The following DDX31 variants were observed in gnomAD, a reference collection of about 807,000 sequenced individuals.
DDX31 encodes DEAD-box helicase 31, also known as ATP-dependent DNA helicase DDX31.
In DDX31, 70 loss-of-function variants were observed where a neutral mutation model predicts 91.3. The ratio of observed to expected loss-of-function variants is 0.77; its 90% CI spans 0.63 to 0.94. DDX31 has a LOEUF of 0.94. DDX31 is among the 40% of genes least tolerant of loss of function. The pLI is 0.00. For synonymous variants in DDX31, 362 were observed against 350.6 expected (o/e 1.03, Z -0.36); for missense variants, 902 against 925.0 (o/e 0.98, Z 0.32).
At chr9:132,669,802 G>A in intron 1 of DDX31, 58 bp downstream of exon 1, 2 of 1,523,590 alleles carry the variant, frequency 1.3e-6, no homozygotes, top group Middle Eastern at 1.8e-4. Flanking sequence ...TGCAGCTCGC[G>A]GCGCGCCCAC....
chr9:132,608,358 G>T (rs534621178), intron 19 of DDX31, among the ~76,000 whole-genome samples: 1 of 152,062 alleles, frequency 6.6e-6, no homozygotes, highest in South Asian at 2.1e-4. Context: ...TGGAAAAGTC[G>T]ACAGAAACCT....
intron 19 of DDX31, among the ~76,000 whole-genome samples, chr9:132,609,208 A>C (rs1405103539): frequency 6.6e-6 from 1 of 152,156 alleles, no homozygotes; most frequent in Admixed American, 6.5e-5. Flanking sequence ...GCTGTCACTC[A>C]CCACCCGGCT....
intron 19 of DDX31, among the ~76,000 whole-genome samples, chr9:132,611,292 G>A (rs988978651): frequency 2.0e-5 from 3 of 152,170 alleles, no homozygotes; most frequent in African/African-American, 2.4e-5. Context: ...TTTGTTCAAC[G>A]GACCGTTCCC....
chr9:132,643,572 C>A (rs907800365), intron 13 of DDX31, among the ~76,000 whole-genome samples: 1 of 152,188 alleles, frequency 6.6e-6, no homozygotes, highest in Non-Finnish European at 1.5e-5. Flanking sequence ...AGACCTCACA[C>A]GTCTGAACTT....
intron 18 of DDX31, among the ~76,000 whole-genome samples, chr9:132,614,954 G>A (rs934957894): frequency 1.3e-5 from 2 of 152,134 alleles, no homozygotes; most frequent in African/African-American, 2.4e-5. Flanking sequence ...TTTCAAAGAC[G>A]CTGCAGTAGC....
chr9:132,630,288 T>C lies in DDX31; in HGVS notation c.1607A>G (p.Asn536Ser), dbSNP rs762243465. The C allele has an allele frequency of 1.3e-6, 2 of 1,581,348 alleles. No individual in the cohort carries two copies. Among genetic ancestry groups the C allele is most frequent in the Admixed American group, 1.7e-5 (1 of 59,162 alleles). Reference sequence around the variant, plus strand: ...CTTGATTTTGTGAGAAGCCAACGAGTTGACATATTCTGCCTCCGAAGGAGC... The same window carrying C: ...CTTGATTTTGTGAGAAGCCAACGAGCTGACATATTCTGCCTCCGAAGGAGC... ...ILAPSEAEYV[N>S]SLASHKINVS... is the part of the protein sequence containing the mutation. Residue 536 changes from asparagine (N) to serine (S), a missense_variant, in exon 16 of 20, where the codon AAC (asparagine) becomes AGC (serine). Physicochemically the swap from Asn to Ser is conservative, Grantham distance 46. Coordinates refer to ENST00000372159, the MANE Select transcript of DDX31 (RefSeq NM_022779.9).
At chr9:132,604,277 G>A (rs1388257393) in intron 19 of DDX31, among the ~76,000 whole-genome samples, 2 of 152,172 alleles carry the variant, frequency 1.3e-5, no homozygotes, top group Non-Finnish European at 2.9e-5. Context: ...AAGAAACGCA[G>A]TCACCTTCCA....
At chr9:132,612,355 G>A (rs749938364) in intron 18 of DDX31, 100 bp from the exon 19 acceptor site, 1 of 1,395,512 alleles carries the variant, frequency 7.2e-7, no homozygotes, top group Non-Finnish European at 1.0e-6. Context: ...TATCTTGCCA[G>A]GCAACGAAAC....
chr9:132,597,592 C>G (rs1830506230), intron 19 of DDX31, among the ~76,000 whole-genome samples: 2 of 152,208 alleles, frequency 1.3e-5, no homozygotes, highest in Admixed American at 1.3e-4. Context: ...AATAAAGAAC[C>G]AGCATCTTAC....
chr9:132,630,516 A>G lies in DDX31; in HGVS notation c.1492-113T>C. The G allele has an allele frequency of 9.0e-6, 10 of 1,106,008 alleles. No individual in the cohort carries two copies. The South Asian group carries it at 1.4e-4, about 15-fold the overall frequency. The allele number at this position is 1,106,008 out of a possible 1,614,324, so 68.5% of individuals were successfully genotyped here. A position where few individuals can be genotyped will look rare whatever the true frequency, so the allele number is the denominator to read the frequency against. On this transcript the variant is annotated intron_variant, in intron 15 of 19. Coordinates refer to ENST00000372159, the MANE Select transcript of DDX31 (RefSeq NM_022779.9). ...ATCCCAAGAATTAAATCCTGGTGCT[A>G]TGGTTACCCTAACACAATCACAAGG...
intron 15 of DDX31, among the ~76,000 whole-genome samples, chr9:132,631,668 A>G (rs148376770): frequency 6.6e-6 from 1 of 152,348 alleles, no homozygotes; most frequent in African/African-American, 2.4e-5. Flanking sequence ...CTGCAGGTCA[A>G]CGTACACGGA....
At chr9:132,638,206 C>T in intron 14 of DDX31, 2 of 1,496,974 alleles carry the variant, frequency 1.3e-6, no homozygotes, top group African/African-American at 1.4e-5. Flanking sequence ...TCAAGGACAG[C>T]CACCGGAGAC....
intron 1 of DDX31, among the ~76,000 whole-genome samples, chr9:132,664,727 A>AC (rs1554773609): frequency 3.3e-5 from 5 of 151,638 alleles, no homozygotes; most frequent in East Asian, 1.9e-4. Flanking sequence ...AAAAAAAAAA[A>AC]AAAAAAAAAA....
rs745857827 is a variant in DDX31 at position 132,630,236 on chromosome 9, C to T, written c.1631+28G>A. ...AGAAAGTTAATTAGGTGAGACCAGC[C>T]GAAACCCCATTCAGGTTTCTGACTC... On this transcript the variant is annotated intron_variant, in intron 16 of 19. Transcript: ENST00000372159. 1.2e-5 allele frequency: 19 copies of T among 1,557,724 alleles called. No individual in the cohort carries two copies. In the East Asian group the frequency reaches 2.3e-4, roughly 19 times the overall value.
intron 16 of DDX31, 65 bp downstream of exon 16, chr9:132,630,199 G>A (rs1332807206): frequency 6.7e-7 from 1 of 1,493,556 alleles, no homozygotes; most frequent in Non-Finnish European, 9.0e-7. Flanking sequence ...CCCATTCACT[G>A]TAAAAAGCGA....
intron 19 of DDX31, 129 bp downstream of exon 19, chr9:132,611,958 G>T: frequency 7.7e-7 from 1 of 1,300,806 alleles, no homozygotes; most frequent in Non-Finnish European, 1.0e-6. Flanking sequence ...CTCATTCCAA[G>T]TGCTTGTTTA....
intron 13 of DDX31, 55 bp from the exon 14 acceptor site, chr9:132,642,118 G>T: frequency 6.5e-7 from 1 of 1,526,730 alleles, no homozygotes; most frequent in Non-Finnish European, 9.1e-7. Flanking sequence ...CTCCAGCAAG[G>T]TAGGCTTACA....
chr9:132,642,396 A>G (rs1833559050), intron 13 of DDX31, among the ~76,000 whole-genome samples: 1 of 152,216 alleles, frequency 6.6e-6, no homozygotes, highest in Admixed American at 6.5e-5. Context: ...CCTGCGTGCA[A>G]TTTATTCTAA....
In DDX31 at chr9:132,662,585, A is replaced by C. The variant is rs1835041787; in HGVS notation, c.186T>G (p.Thr62=). The change falls in exon 2 of 20, where the codon ACT becomes ACG. Residue 62 remains threonine, a synonymous_variant. Transcript: ENST00000372159. ...GTGCGTTCCCCTTAAAAGTCCTCTG[A>C]GTTTCTTTAACACTAGTTTTCTTGG... ...LPAKKTSVKE[T]QRTFKGNAQK... 17 of 1,614,146 alleles carry C rather than the reference A, an allele frequency of 1.1e-5. No homozygotes were observed. Among genetic ancestry groups the C allele is most frequent in the Non-Finnish European group, 1.4e-5 (17 of 1,180,020 alleles).
Sources: allele counts gnomAD v4.1 joint callset (sites outside exome capture counted in the v4.1 genomes callset), GRCh38; gene constraint gnomAD v4.1.1; transcripts MANE v1.5; gene names NCBI Gene and HGNC (gene_info 2026-07-23, HGNC 2026-07-21).